The following LRP1B variants were observed in gnomAD, a reference collection of about 807,000 sequenced individuals.
LRP1B encodes the protein low-density lipoprotein receptor-related protein 1B.
Under a neutral mutation model 556.6 loss-of-function variants are expected in LRP1B, and 217 were observed. The ratio of observed to expected loss-of-function variants is 0.39; its 90% CI spans 0.35 to 0.44. The LOEUF is 0.44. LRP1B is among the 20% of genes least tolerant of loss of function. The probability of loss-of-function intolerance (pLI) is 1.00; values close to 1 mark genes in which losing one functional copy is unlikely to be tolerated. For missense variants in LRP1B, 5,053 were observed against 5,620.8 expected (o/e 0.90, Z 3.23); for synonymous variants, 2,047 against 1,865.8 (o/e 1.10, Z -2.50).
At chr2:141,849,123 C>T (rs1697755068) in intron 1 of LRP1B, among the ~76,000 whole-genome samples, 1 of 151,530 alleles carries the variant, frequency 6.6e-6, no homozygotes. Context: ...TCAGACTATC[C>T]ATTTTTGTGC....
chr2:140,255,979 C>T (rs574636710), intron 86 of LRP1B, among the ~76,000 whole-genome samples: 3 of 152,106 alleles, frequency 2.0e-5, no homozygotes, highest in Non-Finnish European at 2.9e-5. Context: ...AGTACTTGGG[C>T]GTATGTAAAT....
intron 41 of LRP1B, among the ~76,000 whole-genome samples, chr2:140,638,772 C>CAT: frequency 6.6e-6 from 1 of 150,924 alleles, no homozygotes; most frequent in Non-Finnish European, 1.5e-5. Context: ...CACACACACA[C>CAT]ATATATATGA....
At chr2:140,302,618 C>A (rs753683847) in intron 83 of LRP1B, among the ~76,000 whole-genome samples, 11 of 152,102 alleles carry the variant, frequency 7.2e-5, no homozygotes, top group Non-Finnish European at 1.3e-4. Context: ...GCATTGGAAT[C>A]AGCAGACCAA....
chr2:142,022,722 G>T (rs1703376404), intron 1 of LRP1B, among the ~76,000 whole-genome samples: 1 of 152,106 alleles, frequency 6.6e-6, no homozygotes. Context: ...CCAGGCTGGA[G>T]TGCCGTGGCA....
intron 2 of LRP1B, among the ~76,000 whole-genome samples, chr2:141,509,580 AC>A (rs201586970): frequency 0.059 from 8,909 of 151,720 alleles, 330 homozygotes; most frequent in South Asian, 0.18. Context: ...AAACAAACAA[AC>A]AAACAAAATG....
At chr2:141,288,528 G>A (rs1259779701) in intron 3 of LRP1B, among the ~76,000 whole-genome samples, 3 of 151,964 alleles carry the variant, frequency 2.0e-5, no homozygotes, top group Non-Finnish European at 4.4e-5. Flanking sequence ...TATAGATCAA[G>A]ATACTACAAT....
intron 2 of LRP1B, among the ~76,000 whole-genome samples, chr2:141,564,696 G>A (rs961509688): frequency 6.6e-6 from 1 of 152,074 alleles, no homozygotes; most frequent in South Asian, 2.1e-4. Context: ...AAAAGCATGT[G>A]TCAGACACAA....
chr2:140,666,079 T>C lies in LRP1B; in HGVS notation c.6799+34171A>G, dbSNP rs549538572. 2.0e-5 allele frequency among the ~76,000 whole-genome samples: 3 copies of C among 151,860 alleles called. No individual in the cohort carries two copies. The South Asian group carries it at 6.2e-4, about 32-fold the overall frequency. On this transcript the variant is annotated intron_variant, in intron 41 of 90. Coordinates refer to ENST00000389484, the MANE Select transcript of LRP1B (RefSeq NM_018557.3). ...CATGATCTCAGCTCACTGCAACCTC[T>C]GCCCTCCAAGTTCAAGCGATTCTCC...
In LRP1B at chr2:141,519,404, A is replaced by ATAT. The variant is rs1559118212; in HGVS notation, c.206-38872_206-38871insATA. The stretch of plus-strand genomic sequence containing the variant: ...ATATATATATATATATATATATATG[A>ATAT]AATGCAATATTTATTGAATTTAGTT... On this transcript the variant is annotated intron_variant, in intron 2 of 90. Coordinates refer to ENST00000389484, the MANE Select transcript of LRP1B (RefSeq NM_018557.3). 7.2e-3 allele frequency among the ~76,000 whole-genome samples: 68 copies of ATAT among 9,388 alleles called. 1 individual carries two copies. Among genetic ancestry groups the ATAT allele is most frequent in the African/African-American group, 0.024 (59 of 2,510 alleles). The allele number at this position is 9,388 out of a possible 152,430, so 6.2% of individuals were successfully genotyped here.
chr2:141,405,404 A>G (rs1690598442), intron 3 of LRP1B, among the ~76,000 whole-genome samples: 1 of 152,200 alleles, frequency 6.6e-6, no homozygotes. Flanking sequence ...TTATTATAGA[A>G]CTACATTAAT....
chr2:140,807,904 C>T (rs1384630258), intron 32 of LRP1B, among the ~76,000 whole-genome samples: 1 of 151,588 alleles, frequency 6.6e-6, no homozygotes, highest in Non-Finnish European at 1.5e-5. Context: ...CCAGCCTAGC[C>T]AACATGGTGA....
chr2:141,600,801 G>A (rs7575547), intron 2 of LRP1B, among the ~76,000 whole-genome samples: 8,210 of 152,042 alleles, frequency 0.054, 322 homozygotes, highest in African/African-American at 0.1. Flanking sequence ...GTGCCTACAA[G>A]ATTCTGAGAC....
intron 2 of LRP1B, among the ~76,000 whole-genome samples, chr2:141,492,114 T>G (rs1032688592): frequency 1.4e-5 from 1 of 70,964 alleles, no homozygotes; most frequent in Non-Finnish European, 2.8e-5. Context: ...CAACATTTGA[T>G]GACTAAGTAT....
intron 37 of LRP1B, among the ~76,000 whole-genome samples, chr2:140,714,076 C>T (rs1249181830): frequency 6.6e-6 from 1 of 152,120 alleles, no homozygotes; most frequent in African/African-American, 2.4e-5. Flanking sequence ...GACACTATTC[C>T]TTTAACTGAA....
chr2:141,461,954 A>T (rs1011295347), intron 3 of LRP1B, among the ~76,000 whole-genome samples: 1 of 152,186 alleles, frequency 6.6e-6, no homozygotes, highest in Non-Finnish European at 1.5e-5. Context: ...GGCCAGATTA[A>T]TCCCTGCATT....
intron 7 of LRP1B, among the ~76,000 whole-genome samples, chr2:141,121,060 T>C (rs961746778): frequency 6.6e-6 from 1 of 152,020 alleles, no homozygotes; most frequent in African/African-American, 2.4e-5. Context: ...AAAGAGGAAG[T>C]TGGTTTGGAT....
chr2:140,368,787 T>C (rs1383100327), intron 71 of LRP1B, among the ~76,000 whole-genome samples: 2 of 151,870 alleles, frequency 1.3e-5, no homozygotes, highest in Non-Finnish European at 1.5e-5. Flanking sequence ...ATTTCCTCAA[T>C]GCCTTAAAAT....
intron 18 of LRP1B, among the ~76,000 whole-genome samples, chr2:140,971,195 T>C (rs975582313): frequency 6.6e-6 from 1 of 152,186 alleles, no homozygotes; most frequent in African/African-American, 2.4e-5. Flanking sequence ...AAAGGTGGGC[T>C]TTAAAACACT....
intron 43 of LRP1B, among the ~76,000 whole-genome samples, chr2:140,563,139 A>C (rs1199307384): frequency 1.3e-5 from 2 of 151,782 alleles, no homozygotes; most frequent in Non-Finnish European, 2.9e-5. Flanking sequence ...TATCTAATCC[A>C]TGAATCCATG....
Sources: gnomAD v4.1 joint callset for allele counts (sites outside exome capture counted in the v4.1 genomes callset) on GRCh38, gnomAD v4.1.1 for gene constraint, MANE v1.5 for transcripts, NCBI Gene and HGNC (gene_info 2026-07-23, HGNC 2026-07-21) for gene names.